Variants in CLDN11 observed in about 807,000 individuals in gnomAD.
CLDN11 encodes the protein claudin 11, also known as claudin-11.
In CLDN11, 1 loss-of-function variant was observed where a neutral mutation model predicts 18.0. The ratio of observed to expected loss-of-function variants is 0.06; its 90% CI spans 0.02 to 0.26. CLDN11 has a LOEUF of 0.26. CLDN11 is among the 10% of genes least tolerant of loss of function. The probability of loss-of-function intolerance (pLI) is 1.00; values close to 1 mark genes in which losing one functional copy is unlikely to be tolerated. For missense variants in CLDN11, 172 were observed against 276.6 expected (o/e 0.62, Z 2.68); for synonymous variants, 116 against 121.5 (o/e 0.96, Z 0.30).
intron 2 of CLDN11, among the ~76,000 whole-genome samples, chr3:170,429,368 T>C (rs1412758740): frequency 1.3e-5 from 2 of 152,154 alleles, no homozygotes; most frequent in South Asian, 2.1e-4. Context: ...TTTGTGTGAA[T>C]TGTAAGAGAA....
In CLDN11 at chr3:170,426,689, A is replaced by G. The variant is rs951388944; in HGVS notation, c.391+3362A>G. Among the ~76,000 whole-genome samples, 3 of 152,360 alleles carry G rather than the reference A, an allele frequency of 2.0e-5. No individual in the cohort carries two copies. In the East Asian group the frequency reaches 5.8e-4, roughly 29 times the overall value. On this transcript the variant is annotated intron_variant, in intron 2 of 2. Coordinates refer to ENST00000064724, the MANE Select transcript of CLDN11 (RefSeq NM_005602.6). ...CTGGCACATGGTAAGTGCTCAATAA[A>G]TGGTTGCTATTATTATTGTTATTGT...
intron 2 of CLDN11, 151 bp from the exon 3 acceptor site, chr3:170,432,373 T>A: frequency 7.3e-7 from 1 of 1,361,026 alleles, no homozygotes; most frequent in Admixed American, 2.6e-5. Flanking sequence ...TGCTACATAT[T>A]GGTTCAGTGT....
chr3:170,421,775 C>T (rs539975658), intron 1 of CLDN11, among the ~76,000 whole-genome samples: 2 of 152,318 alleles, frequency 1.3e-5, no homozygotes, highest in South Asian at 2.1e-4. Context: ...CTGTGAAATT[C>T]TCCCAGTATC....
rs1272227488 is a variant in CLDN11 at position 170,432,440 on chromosome 3, G to T, written c.392-84G>T. On this transcript the variant is annotated intron_variant, in intron 2 of 2. Coordinates refer to ENST00000064724, the MANE Select transcript of CLDN11 (RefSeq NM_005602.6). ...TTGGAGCTGGTTGGAAGCCACAAGT[G>T]TGTGTATGTGGAGTGAGTGGGCCTG... is the stretch of plus-strand genomic sequence containing the variant. 3 of 1,585,250 alleles carry T rather than the reference G, an allele frequency of 1.9e-6. No homozygotes were observed. In the Admixed American group the frequency reaches 5.2e-5, roughly 27 times the overall value.
At chr3:170,429,512 A>G (rs1239593596) in intron 2 of CLDN11, among the ~76,000 whole-genome samples, 1 of 152,214 alleles carries the variant, frequency 6.6e-6, no homozygotes, top group Non-Finnish European at 1.5e-5. Flanking sequence ...ACTACTTCTC[A>G]TCTATCCATC....
chr3:170,424,023 C>G (rs200866357), intron 2 of CLDN11, among the ~76,000 whole-genome samples: 1 of 120,318 alleles, frequency 8.3e-6, no homozygotes, highest in African/African-American at 3.3e-5. Context: ...AGTGCAACTC[C>G]AAAAAAAAAA....
At chr3:170,428,100 T>C (rs934701285) in intron 2 of CLDN11, among the ~76,000 whole-genome samples, 2 of 150,154 alleles carry the variant, frequency 1.3e-5, no homozygotes, top group Non-Finnish European at 3.0e-5. Context: ...TGAGTCGAGA[T>C]TGCACCACTG....
chr3:170,433,612 T>C lies in CLDN11; in HGVS notation c.*856T>C, dbSNP rs931314389. The C allele has an allele frequency of 3.9e-5, 6 of 152,596 alleles. No homozygotes were observed. The highest frequency in any genetic ancestry group is 6.5e-5 in the Admixed American group (1 of 15,274). The allele number at this position is 152,596 out of a possible 1,614,324, so 9.5% of individuals were successfully genotyped here. On this transcript the variant is annotated 3_prime_UTR_variant, in exon 3 of 3. Coordinates refer to ENST00000064724, the MANE Select transcript of CLDN11 (RefSeq NM_005602.6). ...AACTTTCCATGGGAAACTTTCCCTTTTGTAAGTTGAGGGCCAGGGGTAGGG... is the reference window on the plus strand; with the variant it reads ...AACTTTCCATGGGAAACTTTCCCTTCTGTAAGTTGAGGGCCAGGGGTAGGG...
intron 2 of CLDN11, chr3:170,423,615 C>G (rs1738773272): frequency 5.1e-6 from 2 of 392,050 alleles, no homozygotes; most frequent in Non-Finnish European, 9.4e-6. Flanking sequence ...TGGAAGCCTT[C>G]TCAGTCTTCA....
chr3:170,419,430 T>C lies in CLDN11; in HGVS notation c.226+138T>C. 1 of 623,424 alleles carries C rather than the reference T, an allele frequency of 1.6e-6. No homozygotes were observed. Among genetic ancestry groups the C allele is most frequent in the Admixed American group, 3.0e-5 (1 of 33,774 alleles). The allele number at this position is 623,424 out of a possible 1,614,324, so 38.6% of individuals were successfully genotyped here. A position where few individuals can be genotyped will look rare whatever the true frequency, so the allele number is the denominator to read the frequency against. ...TTTTGACATCCCTAGTCCCACCTTG[T>C]TGTAAAAGAATTAGGCAGCCCCGAA... On this transcript the variant is annotated intron_variant, in intron 1 of 2. Coordinates refer to ENST00000064724, the MANE Select transcript of CLDN11 (RefSeq NM_005602.6). This position sits in a 1 kb window ranked among gnomAD's most constrained non-coding sequence, Gnocchi z 8.6.
chr3:170,425,849 G>A (rs150344239), intron 2 of CLDN11, among the ~76,000 whole-genome samples: 2 of 152,302 alleles, frequency 1.3e-5, no homozygotes, highest in Admixed American at 6.5e-5. Context: ...TGTTTTGACC[G>A]GAACGAGCTA....
rs970231284 is a variant in CLDN11, at chr3:170,421,190, T to G, written c.226+1898T>G. On this transcript the variant is annotated intron_variant, in intron 1 of 2. Transcript: ENST00000064724. ...GGGGGCGGCGCTAGTCCTTCCTGCC[T>G]TCCCCCTCCCTCATACTTTGGGTGG... 5 of 674,322 alleles carry G rather than the reference T, an allele frequency of 7.4e-6. No homozygotes were observed. The African/African-American group carries it at 7.8e-5, about 11-fold the overall frequency. The allele number at this position is 674,322 out of a possible 1,614,324, so 41.8% of individuals were successfully genotyped here.
At chr3:170,421,281 G>A (rs889230940) in intron 1 of CLDN11, 14 of 985,646 alleles carry the variant, frequency 1.4e-5, no homozygotes, top group Non-Finnish European at 1.7e-5. Flanking sequence ...TGTAGCATGT[G>A]GACAGCCAGT....
rs774933596 is a variant in CLDN11 at position 170,419,196 on chromosome 3, C to G, written c.130C>G (p.Leu44Val). ...CGYTIPTCRK[L>V]DELGSKGLWA... ...CTACACCATCCCCACCTGCCGCAAG[C>G]TGGATGAGCTGGGCTCCAAGGGGCT... The change falls in exon 1 of 3, where the codon CTG becomes GTG. Residue 44 changes from leucine (L) to valine (V), a missense_variant. Leu to Val is a conservative substitution (Grantham distance 32). Coordinates refer to ENST00000064724, the MANE Select transcript of CLDN11 (RefSeq NM_005602.6). This position sits in a 1 kb window ranked among gnomAD's most constrained non-coding sequence, Gnocchi z 8.6. 1 of 1,565,856 alleles carries G rather than the reference C, an allele frequency of 6.4e-7. No homozygotes were observed. Among genetic ancestry groups the G allele is most frequent in the East Asian group, 2.4e-5 (1 of 41,716 alleles).
chr3:170,427,800 CTG>C (rs1738894346), intron 2 of CLDN11, among the ~76,000 whole-genome samples: 1 of 123,706 alleles, frequency 8.1e-6, no homozygotes, highest in Non-Finnish European at 1.6e-5. Flanking sequence ...CAGAGTGAGA[CTG>C]TCTCAAAAAA....
chr3:170,432,342 ACTT>A (rs1277406425), intron 2 of CLDN11, among the ~76,000 whole-genome samples, 179 bp from the exon 3 acceptor site: 2 of 152,186 alleles, frequency 1.3e-5, no homozygotes, highest in Non-Finnish European at 2.9e-5. Context: ...CCAGCAGTCT[ACTT>A]CTTCTACAGA....
chr3:170,424,824 A>G (rs1273260720), intron 2 of CLDN11, among the ~76,000 whole-genome samples: 3 of 152,116 alleles, frequency 2.0e-5, no homozygotes, highest in African/African-American at 7.2e-5. Flanking sequence ...ACTCATAATG[A>G]CACCAGTAAG....
In CLDN11 at chr3:170,432,585, C is replaced by T. The variant is rs780425152; in HGVS notation, c.453C>T (p.Ile151=). 4.3e-6 allele frequency: 7 copies of T among 1,614,078 alleles called. No individual in the cohort carries two copies. Among genetic ancestry groups the T allele is most frequent in the African/African-American group, 1.3e-5 (1 of 74,934 alleles). ...TGTGCGCCCACCGTGAGACCACCAT[C>T]GTGAGCTTTGGCTACTCCCTGTATG... ...FPVCAHRETT[I]VSFGYSLYAG... The change falls in exon 3 of 3, where the codon ATC becomes ATT. Residue 151 remains isoleucine, a synonymous_variant. Coordinates refer to ENST00000064724, the MANE Select transcript of CLDN11 (RefSeq NM_005602.6).
intron 2 of CLDN11, among the ~76,000 whole-genome samples, chr3:170,426,841 G>A (rs1738866343): frequency 6.6e-6 from 1 of 152,076 alleles, no homozygotes; most frequent in Non-Finnish European, 1.5e-5. Flanking sequence ...GAGTGCAGTG[G>A]CGCAATCTTG....
Sources: gnomAD v4.1 joint callset for allele counts (sites outside exome capture counted in the v4.1 genomes callset) on GRCh38, gnomAD v4.1.1 for gene constraint, Gnocchi (gnomAD v3.1) non-coding constraint, MANE v1.5 for transcripts, NCBI Gene and HGNC (gene_info 2026-07-23, HGNC 2026-07-21) for gene names.